HNRNPR: variants seen among roughly 807,000 people sequenced by gnomAD.
HNRNPR encodes the protein heterogeneous nuclear ribonucleoprotein R.
HNRNPR carries 4 observed loss-of-function variants against 70.3 expected under a neutral mutation model. The ratio of observed to expected loss-of-function variants is 0.06; its 90% CI spans 0.03 to 0.13. The LOEUF is 0.13. Among genes scored for constraint, HNRNPR ranks in the 10% least tolerant of loss-of-function variants. HNRNPR has a pLI of 1.00. For synonymous variants in HNRNPR, 241 were observed against 267.6 expected (o/e 0.90, Z 0.97); for missense variants, 423 against 788.5 (o/e 0.54, Z 5.55).
chr1:23,342,092 A>C (rs988640927), intron 1 of HNRNPR, among the ~76,000 whole-genome samples: 1 of 152,214 alleles, frequency 6.6e-6, no homozygotes, highest in African/African-American at 2.4e-5. Flanking sequence ...GGTGGATCTC[A>C]AGAAAAAGCC....
chr1:23,308,956 T>C lies in HNRNPR; in HGVS notation c.*1498A>G, dbSNP rs989548960. The C allele has an allele frequency of 2.0e-5, 3 of 152,100 alleles. No homozygotes were observed. Among genetic ancestry groups the C allele is most frequent in the Non-Finnish European group, 4.4e-5 (3 of 67,920 alleles). 9.4% of individuals were successfully genotyped at this position (152,100 alleles called of 1,614,324 possible). A position where few individuals can be genotyped will look rare whatever the true frequency, so the allele number is the denominator to read the frequency against. The stretch of plus-strand genomic sequence containing the variant: ...ATTTGAGAACCACGTAAGAATAAGA[T>C]GGAGGGGAAAACTTAATAGTAATTT... On this transcript the variant is annotated 3_prime_UTR_variant, in exon 11 of 11. Transcript: ENST00000302271.
At chr1:23,316,398 A>G (rs1388311733) in intron 8 of HNRNPR, among the ~76,000 whole-genome samples, 1 of 152,208 alleles carries the variant, frequency 6.6e-6, no homozygotes, top group South Asian at 2.1e-4. Flanking sequence ...CCTGTTTTAG[A>G]TCTAGGAAAA....
At chr1:23,327,048 A>G (rs554337999) in intron 5 of HNRNPR, among the ~76,000 whole-genome samples, 68 of 152,250 alleles carry the variant, frequency 4.5e-4, no homozygotes, top group African/African-American at 1.6e-3. Context: ...GAAGAATATA[A>G]TTTCTGTTTC....
At chr1:23,315,934 T>C (rs1423774717) in intron 8 of HNRNPR, among the ~76,000 whole-genome samples, 1 of 152,208 alleles carries the variant, frequency 6.6e-6, no homozygotes, top group African/African-American at 2.4e-5. Context: ...CATGGACTTT[T>C]CTATGATGAA....
chr1:23,324,630 A>G (rs946776542), intron 5 of HNRNPR, among the ~76,000 whole-genome samples: 2 of 152,174 alleles, frequency 1.3e-5, no homozygotes, highest in Admixed American at 6.5e-5. Context: ...CAGTGCTTCA[A>G]TCTATTCCTC....
intron 8 of HNRNPR, among the ~76,000 whole-genome samples, chr1:23,316,237 C>T (rs893842334): frequency 6.6e-6 from 1 of 152,152 alleles, no homozygotes; most frequent in Non-Finnish European, 1.5e-5. Context: ...CCCAGGAGTT[C>T]AAGGCTGCAG....
At chr1:23,328,168 G>A (rs559622899) in intron 5 of HNRNPR, among the ~76,000 whole-genome samples, 2 of 152,296 alleles carry the variant, frequency 1.3e-5, no homozygotes, top group South Asian at 4.1e-4. Flanking sequence ...GGAAAACAGA[G>A]AACGGGGCCA....
intron 5 of HNRNPR, among the ~76,000 whole-genome samples, chr1:23,330,589 G>A (rs1342830235): frequency 1.3e-5 from 2 of 152,094 alleles, no homozygotes; most frequent in African/African-American, 2.4e-5. Flanking sequence ...AACAATACTA[G>A]CTGAAGAATA....
At chr1:23,338,680 C>T in intron 2 of HNRNPR, 72 bp from the exon 3 acceptor site, 1 of 669,818 alleles carries the variant, frequency 1.5e-6, no homozygotes, top group Non-Finnish European at 2.5e-6. Context: ...GACGTTTAAT[C>T]AAGAATTGTT....
intron 5 of HNRNPR, among the ~76,000 whole-genome samples, chr1:23,332,372 A>AGAC (rs1373452392): frequency 1.3e-5 from 2 of 150,562 alleles, no homozygotes; most frequent in Admixed American, 6.7e-5. Context: ...GAGGCAAGGG[A>AGAC]GAGGACAAGC....
intron 8 of HNRNPR, among the ~76,000 whole-genome samples, 176 bp from the exon 9 acceptor site, chr1:23,313,878 A>G (rs1408659875): frequency 6.6e-6 from 1 of 152,174 alleles, no homozygotes; most frequent in Non-Finnish European, 1.5e-5. Flanking sequence ...TCACCAATTT[A>G]CAAAAATTAT....
intron 5 of HNRNPR, among the ~76,000 whole-genome samples, chr1:23,330,287 A>C (rs1005560544): frequency 2.6e-5 from 4 of 151,084 alleles, no homozygotes; most frequent in African/African-American, 9.9e-5. Context: ...CTGTAATCCC[A>C]GCACTTTGGG....
intron 5 of HNRNPR, among the ~76,000 whole-genome samples, chr1:23,333,092 G>GA: frequency 6.6e-6 from 1 of 152,256 alleles, no homozygotes; most frequent in East Asian, 1.9e-4. Context: ...TGAGGCAGGA[G>GA]AATCACTTGA....
intron 2 of HNRNPR, among the ~76,000 whole-genome samples, chr1:23,339,981 C>A (rs904963701): frequency 6.6e-6 from 1 of 150,416 alleles, no homozygotes; most frequent in African/African-American, 2.5e-5. Flanking sequence ...TTTTATAAGT[C>A]ATTTTAATGT....
At position 23,306,915 on chromosome 1, in the gene HNRNPR, A is replaced by C. The variant is rs1008468042; in HGVS notation, c.*3539T>G. On this transcript the variant is annotated 3_prime_UTR_variant, in exon 11 of 11. Coordinates refer to ENST00000302271, the MANE Select transcript of HNRNPR (RefSeq NM_005826.5). ...GTTTCCTCAGAACAACTCCACCCCTAAGTTAACAGAAGCTCCCATTCTTAG... is the reference window on the plus strand; with the variant it reads ...GTTTCCTCAGAACAACTCCACCCCTCAGTTAACAGAAGCTCCCATTCTTAG... 6.6e-6 allele frequency: 1 copy of C among 152,164 alleles called. No individual in the cohort carries two copies. The highest frequency in any genetic ancestry group is 2.4e-5 in the African/African-American group (1 of 41,448). The allele number at this position is 152,164 out of a possible 1,614,324, so 9.4% of individuals were successfully genotyped here. A position where few individuals can be genotyped will look rare whatever the true frequency, so the allele number is the denominator to read the frequency against.
chr1:23,333,457 A>G (rs1485834007), intron 5 of HNRNPR, 61 bp downstream of exon 5: 3 of 970,856 alleles, frequency 3.1e-6, no homozygotes, highest in Non-Finnish European at 5.0e-6. Context: ...CAGTATCTGC[A>G]TAGTAGATAA....
At chr1:23,311,440 T>A (rs959760985) in intron 9 of HNRNPR, 118 bp from the exon 10 acceptor site, 4 of 675,588 alleles carry the variant, frequency 5.9e-6, no homozygotes, top group Non-Finnish European at 9.7e-6. Context: ...TTCACAATTA[T>A]TTTAAATGGC....
Position 23,319,482 on chromosome 1 carries a change from A to G in HNRNPR, c.812-794T>C, listed in dbSNP as rs140346135. Among the ~76,000 whole-genome samples, 24 of 151,864 alleles carry G rather than the reference A, an allele frequency of 1.6e-4. 1 individual carries two copies. Among genetic ancestry groups the G allele is most frequent in the African/African-American group, 5.8e-4 (24 of 41,382 alleles). ...CTTCATCTCTCCTATCCAATTCCAA[A>G]CTCATTTACTTCTTTCTATCTCCAC... On this transcript the variant is annotated intron_variant, in intron 7 of 10. Coordinates refer to ENST00000302271, the MANE Select transcript of HNRNPR (RefSeq NM_005826.5).
chr1:23,332,149 AG>A (rs1646259862), intron 5 of HNRNPR, among the ~76,000 whole-genome samples: 1 of 151,992 alleles, frequency 6.6e-6, no homozygotes, highest in Non-Finnish European at 1.5e-5. Flanking sequence ...GAGAGGGGAG[AG>A]GGGAGGAGAA....
Sources: allele counts gnomAD v4.1 joint callset (sites outside exome capture counted in the v4.1 genomes callset), GRCh38; gene constraint gnomAD v4.1.1; transcripts MANE v1.5; gene names NCBI Gene and HGNC (gene_info 2026-07-23, HGNC 2026-07-21).